The following STIM2 variants were observed in gnomAD, a reference collection of about 807,000 sequenced individuals.
STIM2 encodes the protein stromal interaction molecule 2.
Under a neutral mutation model 85.8 loss-of-function variants are expected in STIM2, and 31 were observed. The observed-to-expected ratio is 0.36, with a 90% CI of 0.27 to 0.49. STIM2 has a LOEUF of 0.49. Ranked by LOEUF, STIM2 falls within the 20% of genes least tolerant of loss-of-function variation. The probability of loss-of-function intolerance (pLI) is 0.98; values close to 1 mark genes in which losing one functional copy is unlikely to be tolerated. For missense variants in STIM2, 841 were observed against 927.6 expected (o/e 0.91, Z 1.21); for synonymous variants, 356 against 331.1 (o/e 1.08, Z -0.82).
intron 2 of STIM2, among the ~76,000 whole-genome samples, chr4:26,941,719 G>A (rs939968587): frequency 6.6e-6 from 1 of 152,024 alleles, no homozygotes; most frequent in Non-Finnish European, 1.5e-5. Flanking sequence ...TAAGAGATGA[G>A]CAGTACCTTT....
intron 3 of STIM2, among the ~76,000 whole-genome samples, chr4:26,970,878 A>G (rs1487730411): frequency 6.6e-6 from 1 of 152,056 alleles, no homozygotes; most frequent in African/African-American, 2.4e-5. Context: ...AAGTGTTCCT[A>G]TTTCTCCACA....
chr4:26,992,891 C>A (rs28688827), intron 3 of STIM2, among the ~76,000 whole-genome samples: 2,747 of 152,194 alleles, frequency 0.018, 96 homozygotes, highest in African/African-American at 0.062. Flanking sequence ...TTTAAAGATT[C>A]GTTGTCAAGA....
intron 10 of STIM2, among the ~76,000 whole-genome samples, chr4:27,012,253 C>T (rs1047170848): frequency 6.6e-6 from 1 of 152,024 alleles, no homozygotes; most frequent in Admixed American, 6.6e-5. Flanking sequence ...AGAATTTCTA[C>T]CCTTAACTAA....
intron 10 of STIM2, among the ~76,000 whole-genome samples, chr4:27,013,401 A>T (rs989960396): frequency 9.2e-5 from 14 of 151,848 alleles, no homozygotes; most frequent in East Asian, 3.8e-4. Context: ...GGAAAAACAT[A>T]GTGTGTATAG....
At chr4:26,974,027 G>C (rs188836229) in intron 3 of STIM2, among the ~76,000 whole-genome samples, 1 of 152,296 alleles carries the variant, frequency 6.6e-6, no homozygotes, top group African/African-American at 2.4e-5. Flanking sequence ...TTGGTTTAAA[G>C]TCTGTTTTAT....
chr4:26,915,777 C>T lies in STIM2; in HGVS notation c.152-3727C>T, dbSNP rs114740469. Among the ~76,000 whole-genome samples the T allele has an allele frequency of 7.9e-3, 1,201 of 152,310 alleles. 16 individuals carry two copies. The highest frequency in any genetic ancestry group is 0.027 in the African/African-American group (1,118 of 41,560). On this transcript the variant is annotated intron_variant, in intron 1 of 11. Transcript: ENST00000467087. ...CATATAATACTCAAAAGCTGTATCA[C>T]ACTATGTTGCATTTAACACAAGGTG...
At chr4:26,946,716 A>G (rs1231456490) in intron 2 of STIM2, among the ~76,000 whole-genome samples, 1 of 152,180 alleles carries the variant, frequency 6.6e-6, no homozygotes, top group African/African-American at 2.4e-5. Flanking sequence ...ATATCCCTTA[A>G]TCTTTAGAAA....
At chr4:26,918,294 C>A (rs1247508252) in intron 1 of STIM2, among the ~76,000 whole-genome samples, 1 of 150,528 alleles carries the variant, frequency 6.6e-6, no homozygotes, top group Non-Finnish European at 1.5e-5. Flanking sequence ...TCTCTTCTCC[C>A]AGCTTTTTTT....
chr4:26,888,131 A>G (rs1190760533), intron 1 of STIM2, among the ~76,000 whole-genome samples: 2 of 152,248 alleles, frequency 1.3e-5, no homozygotes, highest in African/African-American at 4.8e-5. Flanking sequence ...CACCCAGGTT[A>G]GTGTTTGATT....
intron 1 of STIM2, among the ~76,000 whole-genome samples, chr4:26,890,293 G>A (rs183418198): frequency 5.3e-5 from 8 of 152,280 alleles, no homozygotes; most frequent in South Asian, 2.1e-4. Flanking sequence ...AATGGGGACC[G>A]TGGGCATTTG....
Position 27,008,967 on chromosome 4 carries a change from A to G in STIM2, c.1454A>G (p.Asp485Gly), listed in dbSNP as rs774991626. The change falls in exon 10 of 12, where the codon GAT becomes GGT. Residue 485 changes from aspartate (D) to glycine (G), a missense_variant. Asp to Gly is a moderately conservative substitution (Grantham distance 94). Around this residue, in one of 3 missense-constraint regions of STIM2, gnomAD observed 408 missense variants for 525.4 expected, o/e 0.78. Transcript: ENST00000467087. ...ATTGCTGGAGGAGTTGATGACTTAG[A>G]TGAAGACACACCCCCAATAGTGTCA... is the stretch of plus-strand genomic sequence containing the variant. The G allele has an allele frequency of 1.2e-6, 2 of 1,613,982 alleles. No homozygotes were observed. Among genetic ancestry groups the G allele is most frequent in the Non-Finnish European group, 1.7e-6 (2 of 1,180,026 alleles).
Position 27,003,012 on chromosome 4 carries a change from G to T in STIM2, c.889G>T (p.Ala297Ser). The T allele has an allele frequency of 6.2e-7, 1 of 1,603,532 alleles. No homozygotes were observed. Among genetic ancestry groups the T allele is most frequent in the Non-Finnish European group, 8.5e-7 (1 of 1,176,352 alleles). Residue 297 changes from alanine (A) to serine (S), a missense_variant, in exon 7 of 12, where the codon GCA becomes TCA. By Grantham distance (99) the Ala-to-Ser change is moderately conservative. Transcript: ENST00000467087. ...CAAAATGATGGATGAAATCAATTATGCAAAGGAGGAGGCTTGTCGGCTGAG... is the reference window on the plus strand; with the variant it reads ...CAAAATGATGGATGAAATCAATTATTCAAAGGAGGAGGCTTGTCGGCTGAG...
Position 26,860,969 on chromosome 4 carries a change from C to G in STIM2, c.-250C>G. 1.6e-6 allele frequency: 2 copies of G among 1,268,838 alleles called. No homozygotes were observed. Among genetic ancestry groups the G allele is most frequent in the Non-Finnish European group, 2.0e-6 (2 of 996,130 alleles). 78.6% of individuals were successfully genotyped at this position (1,268,838 alleles called of 1,614,324 possible). A position where few individuals can be genotyped will look rare whatever the true frequency, so the allele number is the denominator to read the frequency against. On this transcript the variant is annotated 5_prime_UTR_variant, in exon 1 of 12. Coordinates refer to ENST00000467087, the MANE Select transcript of STIM2 (RefSeq NM_020860.4). Reference sequence around the variant, plus strand: ...AATAACCGGAACCAATGAACGCAGCCGGGATCAGAGCTCCGGAGGCCGCCG... The same window carrying G: ...AATAACCGGAACCAATGAACGCAGCGGGGATCAGAGCTCCGGAGGCCGCCG...
intron 11 of STIM2, chr4:27,020,970 T>C (rs1197883248): frequency 6.5e-7 from 1 of 1,534,020 alleles, no homozygotes; most frequent in East Asian, 2.4e-5. Context: ...CCCTTTCATT[T>C]CTCAATCATT....
At chr4:26,949,838 TC>T (rs1278293892) in intron 2 of STIM2, among the ~76,000 whole-genome samples, 1 of 152,180 alleles carries the variant, frequency 6.6e-6, no homozygotes, top group African/African-American at 2.4e-5. Context: ...TTGTGATTTT[TC>T]TCCTGTAACA....
Position 26,883,281 on chromosome 4 carries a change from T to G in STIM2, c.151+21912T>G, listed in dbSNP as rs1723095613. On this transcript the variant is annotated intron_variant, in intron 1 of 11. Coordinates refer to ENST00000467087, the MANE Select transcript of STIM2 (RefSeq NM_020860.4). Reference sequence around the variant, plus strand: ...ACTAGGCTTTATAAATAAACTTGCATGTAAATGGTATATTATTTGCTAACT... The same window carrying G: ...ACTAGGCTTTATAAATAAACTTGCAGGTAAATGGTATATTATTTGCTAACT... Among the ~76,000 whole-genome samples, 2 of 152,090 alleles carry G rather than the reference T, an allele frequency of 1.3e-5. 1 individual carries two copies. Among genetic ancestry groups the G allele is most frequent in the South Asian group, 4.1e-4 (2 of 4,832 alleles).
At chr4:27,020,874 CAT>C (rs556702035) in intron 11 of STIM2, 240 of 781,228 alleles carry the variant, frequency 3.1e-4, no homozygotes, top group Non-Finnish European at 4.5e-4. Flanking sequence ...GGGTTATAAT[CAT>C]ATGTGCTCTT....
chr4:26,870,952 A>T (rs1201319191), intron 1 of STIM2, among the ~76,000 whole-genome samples: 1 of 150,634 alleles, frequency 6.6e-6, no homozygotes, highest in East Asian at 1.9e-4. Context: ...CCGAGAATGT[A>T]TGAGTTTGTC....
intron 3 of STIM2, among the ~76,000 whole-genome samples, chr4:26,974,135 C>T (rs965863878): frequency 2.1e-4 from 32 of 152,078 alleles, no homozygotes; most frequent in Admixed American, 7.9e-4. Flanking sequence ...AGTCTTTGCG[C>T]GTGCTGTGGG....
Sources: allele counts gnomAD v4.1 joint callset (sites outside exome capture counted in the v4.1 genomes callset), GRCh38; gene constraint gnomAD v4.1.1; regional missense constraint gnomAD v4.1.1; transcripts MANE v1.5; gene names NCBI Gene and HGNC (gene_info 2026-07-23, HGNC 2026-07-21).